The following ACOT9 variants were observed in gnomAD, a reference collection of about 807,000 sequenced individuals.
The protein encoded by ACOT9 is acyl-coenzyme A thioesterase 9, mitochondrial.
Under a neutral mutation model 39.7 loss-of-function variants are expected in ACOT9, and 34 were observed. The observed-to-expected ratio is 0.86, with a 90% CI of 0.65 to 1.14. The LOEUF is 1.14. Among genes scored for constraint, ACOT9 ranks in the 50% most tolerant of loss-of-function variants. The probability of loss-of-function intolerance (pLI) is 0.00; values close to 1 mark genes in which losing one functional copy is unlikely to be tolerated. For synonymous variants in ACOT9, 110 were observed against 120.5 expected (o/e 0.91, Z 0.57); for missense variants, 313 against 344.1 (o/e 0.91, Z 0.71).
chrX:23,712,692 C>T (rs1928942211), intron 9 of ACOT9, among the ~76,000 whole-genome samples: 1 of 111,909 alleles, frequency 8.9e-6, no homozygotes, highest in Admixed American at 9.5e-5. Flanking sequence ...GCAATCTCGG[C>T]ACACTGCAAC....
rs10694335 is a variant in ACOT9 at position 23,702,071 on chromosome X, T to TCACA, written c.*1819_*1822dup. On this transcript the variant is annotated 3_prime_UTR_variant, in exon 16 of 16. Transcript: ENST00000379303. The stretch of plus-strand genomic sequence containing the variant: ...TGGAGCGACAGAGTGAAACTCTGTC[T>TCACA]CACACACACACACACACACAAAAAT... 2.6e-4 allele frequency among the ~76,000 whole-genome samples: 27 copies of TCACA among 105,347 alleles called. No individual in the cohort carries two copies. Among genetic ancestry groups the TCACA allele is most frequent in the African/African-American group, 6.2e-4 (18 of 28,859 alleles). 91.5% of individuals were successfully genotyped at this position (105,347 alleles called of 115,157 possible).
intron 6 of ACOT9, among the ~76,000 whole-genome samples, chrX:23,730,092 A>T (rs866441199): frequency 2.4e-4 from 19 of 78,478 alleles, no homozygotes; most frequent in Admixed American, 3.4e-4. Context: ...AGTAGATGCC[A>T]TTTTTTTTTT....
At chrX:23,707,989 T>A in intron 9 of ACOT9, 45 bp from the exon 10 acceptor site, 1 of 1,087,563 alleles carries the variant, frequency 9.2e-7, no homozygotes, top group Non-Finnish European at 1.2e-6. Flanking sequence ...TATGCCATTA[T>A]CTAATAAAAC....
At chrX:23,713,035 C>T in intron 9 of ACOT9, 100 bp downstream of exon 9, 2 of 654,785 alleles carry the variant, frequency 3.1e-6, no homozygotes, top group Non-Finnish European at 4.6e-6. Context: ...ACTGTTACGT[C>T]CAAGTGATAG....
At chrX:23,733,055 A>G in intron 4 of ACOT9, 117 bp downstream of exon 4, 1 of 649,808 alleles carries the variant, frequency 1.5e-6, no homozygotes, top group Non-Finnish European at 2.4e-6. Context: ...ATACTTCTCA[A>G]CCTATCTCTG....
rs1431386004 is a variant in ACOT9 at position 23,703,183 on chromosome X, C to T, written c.*711G>A. On this transcript the variant is annotated 3_prime_UTR_variant, in exon 16 of 16. Coordinates refer to ENST00000379303, the MANE Select transcript of ACOT9 (RefSeq NM_001037171.2). ...TAGAGGGAAGCAAAGGAATCATGTA[C>T]GGCTGATGGGATTTAGACAGCACAG... 2 of 111,968 alleles carry T rather than the reference C, an allele frequency of 1.8e-5. No homozygotes were observed. Among genetic ancestry groups the T allele is most frequent in the African/African-American group, 6.5e-5 (2 of 30,808 alleles). 9.2% of individuals were successfully genotyped at this position (111,968 alleles called of 1,213,427 possible). A position where few individuals can be genotyped will look rare whatever the true frequency, so the allele number is the denominator to read the frequency against.
intron 1 of ACOT9, among the ~76,000 whole-genome samples, chrX:23,736,618 A>G (rs1929956425): frequency 1.8e-5 from 2 of 111,292 alleles, no homozygotes; most frequent in Non-Finnish European, 3.8e-5. Flanking sequence ...CAGGAGTTCA[A>G]GACCAGCCTG....
At chrX:23,704,065 T>A (rs1298401783) in intron 15 of ACOT9, 83 bp from the exon 16 acceptor site, 1 of 769,601 alleles carries the variant, frequency 1.3e-6, no homozygotes. Flanking sequence ...CAAGACTACT[T>A]GGGAACACTG....
At chrX:23,735,500 A>G (rs1929921545) in intron 2 of ACOT9, among the ~76,000 whole-genome samples, 1 of 111,612 alleles carries the variant, frequency 9.0e-6, no homozygotes, top group South Asian at 3.6e-4. Flanking sequence ...CTAGTTTAAT[A>G]AAGACAATCC....
intron 8 of ACOT9, among the ~76,000 whole-genome samples, chrX:23,713,926 C>G (rs1928992678): frequency 9.0e-6 from 1 of 110,819 alleles, no homozygotes; most frequent in Non-Finnish European, 1.9e-5. Flanking sequence ...GTAGTACCAG[C>G]TAGTGGGAAG....
intron 8 of ACOT9, 51 bp from the exon 9 acceptor site, chrX:23,713,259 A>C: frequency 3.0e-6 from 3 of 1,005,113 alleles, no homozygotes; most frequent in Non-Finnish European, 4.2e-6. Flanking sequence ...ATTTATCGGG[A>C]AGACCTACCA....
At chrX:23,719,153 C>A (rs1929199084) in intron 8 of ACOT9, among the ~76,000 whole-genome samples, 1 of 109,960 alleles carries the variant, frequency 9.1e-6, no homozygotes, top group Non-Finnish European at 1.9e-5. Flanking sequence ...ATCTGTAGTC[C>A]CAGCTACTTG....
chrX:23,725,124 G>A (rs751803922), intron 6 of ACOT9, among the ~76,000 whole-genome samples: 34 of 110,751 alleles, frequency 3.1e-4, no homozygotes, highest in Admixed American at 1.4e-3. Context: ...GAGAAGAGAC[G>A]GAGGAAAATG....
intron 8 of ACOT9, among the ~76,000 whole-genome samples, chrX:23,713,915 T>G (rs1291064590): frequency 3.6e-5 from 4 of 110,708 alleles, no homozygotes; most frequent in Admixed American, 1.9e-4. Context: ...GGTGCATGCC[T>G]GTAGTACCAG....
intron 4 of ACOT9, among the ~76,000 whole-genome samples, chrX:23,732,797 C>T (rs1413838818): frequency 9.0e-6 from 1 of 111,372 alleles, no homozygotes. Flanking sequence ...AGAAACTTAG[C>T]GACTTGGGTT....
intron 1 of ACOT9, among the ~76,000 whole-genome samples, chrX:23,739,544 G>A (rs1183453759): frequency 1.8e-5 from 2 of 111,729 alleles, no homozygotes; most frequent in South Asian, 3.7e-4. Flanking sequence ...AATGGCTCAC[G>A]CCTGTAATCC....
intron 6 of ACOT9, among the ~76,000 whole-genome samples, chrX:23,724,696 C>A (rs1200519328): frequency 9.1e-6 from 1 of 110,063 alleles, no homozygotes; most frequent in Non-Finnish European, 1.9e-5. Context: ...TGCTTGAGCC[C>A]GAGATGTCGA....
Position 23,709,427 on chromosome X carries a change from T to C in ACOT9, c.663-1483A>G, listed in dbSNP as rs775842318. Among the ~76,000 whole-genome samples the C allele has an allele frequency of 5.4e-5, 6 of 111,799 alleles. No homozygotes were observed. In the East Asian group the frequency reaches 1.7e-3, roughly 31 times the overall value. On this transcript the variant is annotated intron_variant, in intron 9 of 15. Transcript: ENST00000379303. ...AAAACAAAAGAATTGAAACAACAGCTTGGGAAAGTGACATGCATCAGCTGG... is the reference window on the plus strand; with the variant it reads ...AAAACAAAAGAATTGAAACAACAGCCTGGGAAAGTGACATGCATCAGCTGG...
chrX:23,732,768 G>A (rs1328471868), intron 4 of ACOT9, among the ~76,000 whole-genome samples: 2 of 111,141 alleles, frequency 1.8e-5, no homozygotes, highest in African/African-American at 6.5e-5. Context: ...CAATAAAGGA[G>A]TCAAGTTGCA....
Sources: allele counts gnomAD v4.1 joint callset (sites outside exome capture counted in the v4.1 genomes callset), GRCh38; gene constraint gnomAD v4.1.1; transcripts MANE v1.5; gene names NCBI Gene and HGNC (gene_info 2026-07-23, HGNC 2026-07-21).